The following CTIF variants were observed in gnomAD, a reference collection of about 807,000 sequenced individuals.
CTIF encodes CBP80/20-dependent translation initiation factor.
In CTIF, 21 loss-of-function variants were observed where a neutral mutation model predicts 66.0. The ratio of observed to expected loss-of-function variants is 0.32; its 90% CI spans 0.23 to 0.46. The LOEUF is 0.46. CTIF is among the 20% of genes least tolerant of loss of function. The pLI is 1.00. For missense variants in CTIF, 739 were observed against 812.7 expected, an observed-to-expected ratio of 0.91 and a Z score of 1.10; for synonymous variants, 345 against 326.4, an observed-to-expected ratio of 1.06 and a Z score of -0.62.
Position 48,582,948 on chromosome 18 carries a change from G to A in CTIF, c.-28-36590G>A, listed in dbSNP as rs1003128294. Among the ~76,000 whole-genome samples the A allele has an allele frequency of 2.6e-5, 4 of 152,214 alleles. No homozygotes were observed. The East Asian group carries it at 5.8e-4, about 22-fold the overall frequency. On this transcript the variant is annotated intron_variant, in intron 1 of 11. Coordinates refer to ENST00000256413, the MANE Select transcript of CTIF (RefSeq NM_014772.3). Reference sequence around the variant, plus strand: ...CTCCTCAGCAGAGCAGGCCAGCACTGCAGAATCGCTTTCATCATGCCATTT... The same window carrying A: ...CTCCTCAGCAGAGCAGGCCAGCACTACAGAATCGCTTTCATCATGCCATTT...
intron 1 of CTIF, among the ~76,000 whole-genome samples, chr18:48,551,815 G>A (rs545635544): frequency 1.7e-4 from 25 of 146,004 alleles, no homozygotes; most frequent in African/African-American, 6.3e-4. Context: ...TTTTTTTTTT[G>A]GAGACGGAGT....
At chr18:48,644,914 A>G (rs550039304) in intron 3 of CTIF, among the ~76,000 whole-genome samples, 1 of 152,322 alleles carries the variant, frequency 6.6e-6, no homozygotes, top group Non-Finnish European at 1.5e-5. Flanking sequence ...TTACTATTGG[A>G]TCCAAACTTA....
intron 5 of CTIF, among the ~76,000 whole-genome samples, chr18:48,670,190 A>C (rs1357577918): frequency 6.6e-6 from 1 of 152,138 alleles, no homozygotes; most frequent in African/African-American, 2.4e-5. Context: ...CACAGAGGAC[A>C]TGAAGACAAA....
chr18:48,727,628 C>A (rs548222321), intron 7 of CTIF, among the ~76,000 whole-genome samples: 172 of 152,340 alleles, frequency 1.1e-3, no homozygotes, highest in African/African-American at 3.9e-3. Context: ...CTCTTCAAGA[C>A]CATCCCTTCT....
At chr18:48,688,261 G>C (rs988063696) in intron 6 of CTIF, 2 of 152,304 alleles carry the variant, frequency 1.3e-5, no homozygotes, top group African/African-American at 2.4e-5. Context: ...ACCTGGAAGT[G>C]CTCCTTTTCC....
chr18:48,543,838 TCTC>T (rs1276594236), intron 1 of CTIF, among the ~76,000 whole-genome samples: 1 of 152,158 alleles, frequency 6.6e-6, no homozygotes, highest in East Asian at 1.9e-4. Flanking sequence ...TATCTTCTTC[TCTC>T]CTGTCTTCTG....
intron 9 of CTIF, among the ~76,000 whole-genome samples, chr18:48,790,485 G>T (rs568976371): frequency 6.6e-6 from 1 of 152,236 alleles, no homozygotes; most frequent in African/African-American, 2.4e-5. Context: ...CCAACAGGAC[G>T]CCCCATGGAG....
chr18:48,716,900 A>G (rs1485273924), intron 7 of CTIF, among the ~76,000 whole-genome samples: 1 of 152,232 alleles, frequency 6.6e-6, no homozygotes, highest in Non-Finnish European at 1.5e-5. Context: ...ATTGAAAGGA[A>G]GAAGAGAAAA....
intron 6 of CTIF, among the ~76,000 whole-genome samples, chr18:48,683,544 A>G (rs8093573): frequency 0.55 from 82,361 of 150,896 alleles, 23,848 homozygotes; most frequent in African/African-American, 0.73. Flanking sequence ...GGTGCTCCTG[A>G]AGGAAAGAGC....
At chr18:48,640,059 A>G (rs951070293) in intron 3 of CTIF, among the ~76,000 whole-genome samples, 15 of 152,214 alleles carry the variant, frequency 9.9e-5, no homozygotes, top group African/African-American at 3.6e-4. Context: ...AGGAGGACCC[A>G]GGCAGCTGCC....
At chr18:48,621,812 G>C (rs1353250001) in intron 2 of CTIF, among the ~76,000 whole-genome samples, 2 of 152,186 alleles carry the variant, frequency 1.3e-5, no homozygotes, top group Non-Finnish European at 2.9e-5. Context: ...AAAGGGGAGA[G>C]ACATGTGGTG....
intron 9 of CTIF, among the ~76,000 whole-genome samples, chr18:48,812,541 G>A (rs370195269): frequency 6.6e-6 from 1 of 151,568 alleles, no homozygotes; most frequent in Admixed American, 6.6e-5. Flanking sequence ...CTTTTTCTGC[G>A]AAACTAAAAA....
At chr18:48,815,872 G>A (rs2068352079) in intron 9 of CTIF, among the ~76,000 whole-genome samples, 1 of 152,178 alleles carries the variant, frequency 6.6e-6, no homozygotes, top group Non-Finnish European at 1.5e-5. Flanking sequence ...TTTTGGTGGT[G>A]ACACAGTCAC....
intron 3 of CTIF, among the ~76,000 whole-genome samples, chr18:48,658,412 A>G (rs299753): frequency 0.98 from 148,786 of 151,998 alleles, 72,904 homozygotes; most frequent in Middle Eastern, 1. Flanking sequence ...GTGTGTGCAC[A>G]TATGTGTGTT....
intron 2 of CTIF, among the ~76,000 whole-genome samples, chr18:48,636,274 G>C (rs1254033951): frequency 1.3e-5 from 2 of 152,218 alleles, no homozygotes; most frequent in Non-Finnish European, 2.9e-5. Flanking sequence ...GCTGAAGCCA[G>C]GTCAGGCGGT....
intron 10 of CTIF, among the ~76,000 whole-genome samples, chr18:48,845,447 T>G (rs1413436261): frequency 1.3e-5 from 2 of 152,186 alleles, no homozygotes; most frequent in Non-Finnish European, 2.9e-5. Context: ...CTCTTGGCCC[T>G]CATGACGCCA....
chr18:48,593,946 G>A lies in CTIF; in HGVS notation c.-28-25592G>A, dbSNP rs530214550. On this transcript the variant is annotated intron_variant, in intron 1 of 11. Coordinates refer to ENST00000256413, the MANE Select transcript of CTIF (RefSeq NM_014772.3). ...TCTGGCATTTAGTTATGCACTGTGT[G>A]ATAGAGGCTCCTGAACAATTTCTTA... Among the ~76,000 whole-genome samples the A allele has an allele frequency of 7.9e-5, 12 of 152,204 alleles. No homozygotes were observed. The East Asian group carries it at 1.9e-3, about 25-fold the overall frequency.
intron 9 of CTIF, among the ~76,000 whole-genome samples, chr18:48,806,479 C>T (rs1233241432): frequency 6.6e-6 from 1 of 152,166 alleles, no homozygotes; most frequent in Non-Finnish European, 1.5e-5. Flanking sequence ...GGGGGCATAG[C>T]GTTTGGATGG....
intron 9 of CTIF, among the ~76,000 whole-genome samples, chr18:48,773,998 T>C (rs1170944272): frequency 1.3e-5 from 2 of 152,048 alleles, no homozygotes; most frequent in African/African-American, 4.8e-5. Flanking sequence ...TTCCACCTTG[T>C]CTAGATAAAG....
Sources: gnomAD v4.1 joint callset for allele counts (sites outside exome capture counted in the v4.1 genomes callset) on GRCh38, gnomAD v4.1.1 for gene constraint, MANE v1.5 for transcripts, NCBI Gene and HGNC (gene_info 2026-07-23, HGNC 2026-07-21) for gene names.